PRR14: variants seen among roughly 807,000 people sequenced by gnomAD.
PRR14 encodes the protein proline rich 14.
Under a neutral mutation model 57.2 loss-of-function variants are expected in PRR14, and 33 were observed. That is an observed-to-expected ratio of 0.58 (90% CI 0.44 to 0.77). PRR14 has a LOEUF of 0.77. PRR14 is among the 30% of genes least tolerant of loss of function. The pLI is 0.00. For missense variants in PRR14, 716 were observed against 788.1 expected, an observed-to-expected ratio of 0.91 and a Z score of 1.10; for synonymous variants, 303 against 314.7, an observed-to-expected ratio of 0.96 and a Z score of 0.39.
chr16:30,651,456 C>A lies in PRR14; in HGVS notation c.-50-140C>A, dbSNP rs2052310383. On this transcript the variant is annotated intron_variant, in intron 1 of 11. Transcript: ENST00000300835. The surrounding 1 kb of genome is among the most constrained non-coding windows in gnomAD (Gnocchi z 5.0). ...GCAGCGGGAGGACACCCGCTCCGGG[C>A]GACCGGCCGGGGGCGCCCTTTCGCG... is the stretch of plus-strand genomic sequence containing the variant. 1 of 492,070 alleles carries A rather than the reference C, an allele frequency of 2.0e-6. No homozygotes were observed. Among genetic ancestry groups the A allele is most frequent in the Non-Finnish European group, 3.6e-6 (1 of 281,076 alleles). The allele number at this position is 492,070 out of a possible 1,614,324, so 30.5% of individuals were successfully genotyped here.
At position 30,655,416 on chromosome 16, in the gene PRR14, C is replaced by T. The variant is rs777545111; in HGVS notation, c.1310C>T (p.Thr437Ile). ...SKDQVLSEPE[T>I]KTMGKVSRFR... ...GACCAGGTGCTTTCAGAACCTGAGACCAAGGTAGGCATTCAGATCGGGTAG... is the reference window on the plus strand; with the variant it reads ...GACCAGGTGCTTTCAGAACCTGAGATCAAGGTAGGCATTCAGATCGGGTAG... The change falls in exon 9 of 12, where the codon ACC (threonine) becomes ATC (isoleucine). Residue 437 changes from threonine (T) to isoleucine (I), a missense_variant. Coordinates refer to ENST00000300835, the MANE Select transcript of PRR14 (RefSeq NM_024031.5). This position sits in a 1 kb window ranked among gnomAD's most constrained non-coding sequence, Gnocchi z 4.6. The T allele has an allele frequency of 6.2e-7, 1 of 1,614,148 alleles. No homozygotes were observed. Among genetic ancestry groups the T allele is most frequent in the South Asian group, 1.1e-5 (1 of 91,086 alleles).
chr16:30,654,165 G>A, intron 6 of PRR14, 65 bp from the exon 7 acceptor site: 2 of 1,076,310 alleles, frequency 1.9e-6, no homozygotes, highest in African/African-American at 1.6e-5. Flanking sequence ...AAGGGATAGG[G>A]GAGTTGCTGG....
At position 30,655,803 on chromosome 16, in the gene PRR14, C is replaced by T. The variant is rs1401943738; in HGVS notation, c.1407-65C>T. 2 of 1,553,796 alleles carry T rather than the reference C, an allele frequency of 1.3e-6. No individual in the cohort carries two copies. Among genetic ancestry groups the T allele is most frequent in the Non-Finnish European group, 1.8e-6 (2 of 1,125,366 alleles). On this transcript the variant is annotated intron_variant, in intron 10 of 11. Transcript: ENST00000300835. The surrounding 1 kb of genome is among the most constrained non-coding windows in gnomAD (Gnocchi z 4.6). ...CCAGAAACTGAAATACAGACCAGGC[C>T]TTACCTGTCCCTTCAGGCCCCACTG... is the stretch of plus-strand genomic sequence containing the variant.
rs1269731712 is a variant in PRR14, at chr16:30,651,655, C to A, written c.10C>A (p.Pro4Thr). ...AGCCGCCGCGTCTCCCATGGACTTG[C>A]CCGGGGACTCCAGGTGAGAGCGTAC... MDL[P>T]GDSSPPGQPR... Residue 4 changes from proline (P) to threonine (T), a missense_variant, in exon 2 of 12, where the codon CCC becomes ACC. By Grantham distance (38) the Pro-to-Thr change is conservative. Coordinates refer to ENST00000300835, the MANE Select transcript of PRR14 (RefSeq NM_024031.5). This position sits in a 1 kb window ranked among gnomAD's most constrained non-coding sequence, Gnocchi z 5.0. 6.3e-7 allele frequency: 1 copy of A among 1,599,234 alleles called. No individual in the cohort carries two copies. The highest frequency in any genetic ancestry group is 1.1e-5 in the South Asian group (1 of 90,834).
At chr16:30,652,599 G>C in intron 3 of PRR14, 122 bp from the exon 4 acceptor site, 1 of 1,221,570 alleles carries the variant, frequency 8.2e-7, no homozygotes, top group East Asian at 2.3e-5. Flanking sequence ...CTTGGGATCC[G>C]AGTGAATTCT....
In PRR14 at chr16:30,651,911, G is replaced by T; in HGVS notation, c.139G>T (p.Ala47Ser). The T allele has an allele frequency of 6.3e-7, 1 of 1,590,360 alleles. No homozygotes were observed. Among genetic ancestry groups the T allele is most frequent in the Non-Finnish European group, 8.6e-7 (1 of 1,168,726 alleles). Reference sequence around the variant, plus strand: ...GGGGGCCCCTTCTCCCCTGGAAAAGGCCTCTCGGCGGGTCCTGGCCGTGGT... The same window carrying T: ...GGGGGCCCCTTCTCCCCTGGAAAAGTCCTCTCGGCGGGTCCTGGCCGTGGT... ...LPGAPSPLEK[A>S]SRRVLAVVLE... The change falls in exon 3 of 12, where the codon GCC becomes TCC. Residue 47 changes from alanine to serine, a missense_variant. Coordinates refer to ENST00000300835, the MANE Select transcript of PRR14 (RefSeq NM_024031.5). The surrounding 1 kb of genome is among the most constrained non-coding windows in gnomAD (Gnocchi z 5.0).
intron 3 of PRR14, 53 bp downstream of exon 3, chr16:30,652,017 C>G: frequency 6.6e-7 from 1 of 1,504,264 alleles, no homozygotes; most frequent in East Asian, 2.3e-5. Flanking sequence ...TTCCTCACTA[C>G]CAAACTCGGG....
Position 30,651,121 on chromosome 16 carries a change from C to T in PRR14, c.-57C>T, listed in dbSNP as rs1264998052. The T allele has an allele frequency of 2.2e-6, 1 of 450,858 alleles. No homozygotes were observed. 27.9% of individuals were successfully genotyped at this position (450,858 alleles called of 1,614,324 possible). A position where few individuals can be genotyped will look rare whatever the true frequency, so the allele number is the denominator to read the frequency against. On this transcript the variant is annotated 5_prime_UTR_variant, in exon 1 of 12. Coordinates refer to ENST00000300835, the MANE Select transcript of PRR14 (RefSeq NM_024031.5). This position sits in a 1 kb window ranked among gnomAD's most constrained non-coding sequence, Gnocchi z 5.0. ...CTCGCCCGGCGTCTGATTGGCGGAA[C>T]CGCGCTGTAGGATTCTTTCCTCAGG...
chr16:30,655,310 AGTGAATCCTGTTT>A lies in PRR14; in HGVS notation c.1245-38_1245-26del. ...GTGGGCAGGAGACGGGGGATAATGC[AGTGAATCCTGTTT>A]GTCCCTGAGCCTTGACCTTCTTGGC... is the stretch of plus-strand genomic sequence containing the variant. On this transcript the variant is annotated intron_variant, in intron 8 of 11. Coordinates refer to ENST00000300835, the MANE Select transcript of PRR14 (RefSeq NM_024031.5). This position sits in a 1 kb window ranked among gnomAD's most constrained non-coding sequence, Gnocchi z 4.6. 6.2e-7 allele frequency: 1 copy of A among 1,610,946 alleles called. No individual in the cohort carries two copies. The highest frequency in any genetic ancestry group is 8.5e-7 in the Non-Finnish European group (1 of 1,177,334).
rs1175645632 is a variant in PRR14 at position 30,651,370 on chromosome 16, A to G, written c.-50-226A>G. On this transcript the variant is annotated intron_variant, in intron 1 of 11. Transcript: ENST00000300835. The surrounding 1 kb of genome is among the most constrained non-coding windows in gnomAD (Gnocchi z 5.0). ...GCCGCGGGAGAACTGGGGCCGCTGC[A>G]TTCTGGGTTCTGGCGGCAGGTGCCA... 1 of 461,754 alleles carries G rather than the reference A, an allele frequency of 2.2e-6. No homozygotes were observed. Among genetic ancestry groups the G allele is most frequent in the East Asian group, 3.7e-5 (1 of 27,162 alleles). The allele number at this position is 461,754 out of a possible 1,614,324, so 28.6% of individuals were successfully genotyped here.
rs1159330785 is a variant in PRR14, at chr16:30,651,042, G to A, written c.-136G>A. ...GTTCGGAGATGCTCCAGCTCGGGCCGCCCCTGTCTGAGCGGAGCTTTGCGG... is the reference window on the plus strand; with the variant it reads ...GTTCGGAGATGCTCCAGCTCGGGCCACCCCTGTCTGAGCGGAGCTTTGCGG... On this transcript the variant is annotated 5_prime_UTR_variant, in exon 1 of 12. Coordinates refer to ENST00000300835, the MANE Select transcript of PRR14 (RefSeq NM_024031.5). This position sits in a 1 kb window ranked among gnomAD's most constrained non-coding sequence, Gnocchi z 5.0. 2.8e-5 allele frequency: 13 copies of A among 456,314 alleles called. No homozygotes were observed. Among genetic ancestry groups the A allele is most frequent in the Admixed American group, 2.6e-4 (11 of 42,554 alleles). The allele number at this position is 456,314 out of a possible 1,614,324, so 28.3% of individuals were successfully genotyped here. A position where few individuals can be genotyped will look rare whatever the true frequency, so the allele number is the denominator to read the frequency against.
Position 30,654,329 on chromosome 16 carries a change from C to T in PRR14, c.648C>T (p.Ser216=). ...CTCTGCCTGCAGACCCTCTGGAGAG[C>T]CCACCAACAGGTAAGGACTTGGGTA... ...PSALPADPLE[S]PPTAPDPALE... is the part of the protein sequence containing the mutation. Residue 216 remains serine (S), a synonymous_variant, in exon 7 of 12, where the codon AGC becomes AGT. Transcript: ENST00000300835. 6.2e-7 allele frequency: 1 copy of T among 1,612,606 alleles called. No individual in the cohort carries two copies. The highest frequency in any genetic ancestry group is 2.2e-5 in the East Asian group (1 of 44,856).
Position 30,652,216 on chromosome 16 carries a change from G to A in PRR14, c.192+252G>A, listed in dbSNP as rs754832231. 7.4e-5 allele frequency: 48 copies of A among 645,796 alleles called. 1 individual carries two copies. The highest frequency in any genetic ancestry group is 6.7e-4 in the South Asian group (40 of 59,786). The allele number at this position is 645,796 out of a possible 1,614,324, so 40.0% of individuals were successfully genotyped here. A position where few individuals can be genotyped will look rare whatever the true frequency, so the allele number is the denominator to read the frequency against. ...CCCTGTAACTCTGAGAAACTCTTCT[G>A]CTTCTTTTTTTCTATCTTTTTTTTT... On this transcript the variant is annotated intron_variant, in intron 3 of 11. Transcript: ENST00000300835.
At position 30,655,832 on chromosome 16, in the gene PRR14, C is replaced by T. The variant is rs1329304246; in HGVS notation, c.1407-36C>T. 1 of 1,611,404 alleles carries T rather than the reference C, an allele frequency of 6.2e-7. No individual in the cohort carries two copies. Among genetic ancestry groups the T allele is most frequent in the South Asian group, 1.1e-5 (1 of 91,024 alleles). Reference sequence around the variant, plus strand: ...CCTGTCCCTTCAGGCCCCACTGGCCCAAGGTTTCTCAGTGGCCTCTGCTCT... The same window carrying T: ...CCTGTCCCTTCAGGCCCCACTGGCCTAAGGTTTCTCAGTGGCCTCTGCTCT... On this transcript the variant is annotated intron_variant, in intron 10 of 11. Transcript: ENST00000300835. The surrounding 1 kb of genome is among the most constrained non-coding windows in gnomAD (Gnocchi z 4.6).
In PRR14 at chr16:30,654,937, C is replaced by T. The variant is rs2052353334; in HGVS notation, c.967C>T (p.Leu323Phe). ...TCAGGACCACAATACCCCAGCACTT[C>T]TCCCTAAGCCCTCTCTGGGCCGAAG... is the stretch of plus-strand genomic sequence containing the variant. ...RTQDHNTPAL[L>F]PKPSLGRSYS... The change falls in exon 8 of 12, where the codon CTC (leucine) becomes TTC (phenylalanine). Residue 323 changes from leucine to phenylalanine, a missense_variant. Leu to Phe is a conservative substitution (Grantham distance 22). Transcript: ENST00000300835. 3.7e-6 allele frequency: 6 copies of T among 1,612,604 alleles called. No individual in the cohort carries two copies. The highest frequency in any genetic ancestry group is 1.6e-4 in the Middle Eastern group (1 of 6,084).
Position 30,654,665 on chromosome 16 carries a change from C to G in PRR14, c.695C>G (p.Pro232Arg), listed in dbSNP as rs2052347148. The stretch of plus-strand genomic sequence containing the variant: ...GCTCTGGAGCTCCCATCCACCCCAC[C>G]ACCGTCCAGCCTTTTACGCCCCCGC... ...DPALELPSTP[P>R]PSSLLRPRLS... Residue 232 changes from proline (P) to arginine (R), a missense_variant, in exon 8 of 12, where the codon CCA (proline) becomes CGA (arginine). Coordinates refer to ENST00000300835, the MANE Select transcript of PRR14 (RefSeq NM_024031.5). 1 of 1,612,286 alleles carries G rather than the reference C, an allele frequency of 6.2e-7. No homozygotes were observed.
At chr16:30,652,232 C>T in intron 3 of PRR14, 2 of 519,544 alleles carry the variant, frequency 3.8e-6, no homozygotes, top group Non-Finnish European at 7.0e-6. Context: ...TTTTTTCTAT[C>T]TTTTTTTTTT....
Position 30,652,847 on chromosome 16 carries a change from G to T in PRR14, c.314+5G>T. 1.2e-6 allele frequency: 2 copies of T among 1,614,096 alleles called. No homozygotes were observed. Among genetic ancestry groups the T allele is most frequent in the Non-Finnish European group, 1.7e-6 (2 of 1,180,020 alleles). The stretch of plus-strand genomic sequence containing the variant: ...CGGGTGGTCCTCGCAGGCCAGGTGA[G>T]CATGGCAGGATGGGGGTAAGCCGAG... On this transcript the variant is annotated splice_donor_5th_base_variant and intron_variant, in intron 4 of 11. Coordinates refer to ENST00000300835, the MANE Select transcript of PRR14 (RefSeq NM_024031.5).
At chr16:30,653,193 T>A in intron 5 of PRR14, 90 bp downstream of exon 5, 1 of 1,436,136 alleles carries the variant, frequency 7.0e-7, no homozygotes, top group Non-Finnish European at 9.5e-7. Context: ...GGTGGGTTTT[T>A]CTTGGGGTGA....
Sources: allele counts gnomAD v4.1 joint callset, GRCh38; gene constraint gnomAD v4.1.1; non-coding constraint Gnocchi (gnomAD v3.1); transcripts MANE v1.5; gene names NCBI Gene and HGNC (gene_info 2026-07-23, HGNC 2026-07-21).